AHCYL2: variants seen among roughly 807,000 people sequenced by gnomAD.
AHCYL2 encodes S-adenosylhomocysteine hydrolase-like protein 2.
A neutral mutation model predicts 81.4 loss-of-function variants in AHCYL2; 28 were observed. The observed-to-expected ratio is 0.34, with a 90% CI of 0.25 to 0.47. AHCYL2 has a LOEUF of 0.47. Ranked by LOEUF, AHCYL2 falls within the 20% of genes least tolerant of loss-of-function variation. The probability of loss-of-function intolerance (pLI) is 1.00; values close to 1 mark genes in which losing one functional copy is unlikely to be tolerated. For synonymous variants in AHCYL2, 272 were observed against 290.2 expected (o/e 0.94, Z 0.64); for missense variants, 551 against 785.1 (o/e 0.70, Z 3.56).
At chr7:129,236,303 C>T (rs915541856) in intron 1 of AHCYL2, among the ~76,000 whole-genome samples, 3 of 151,878 alleles carry the variant, frequency 2.0e-5, no homozygotes, top group South Asian at 2.1e-4. Context: ...CAGGTTCAAG[C>T]GATTCTCTTG....
intron 1 of AHCYL2, among the ~76,000 whole-genome samples, chr7:129,226,334 G>T (rs765524934): frequency 6.6e-5 from 10 of 152,158 alleles, no homozygotes; most frequent in Non-Finnish European, 1.0e-4. Context: ...ATCCATAGTT[G>T]TCTGTCTCTC....
At chr7:129,266,551 A>G (rs1382630413) in intron 1 of AHCYL2, among the ~76,000 whole-genome samples, 10 of 152,216 alleles carry the variant, frequency 6.6e-5, no homozygotes. Context: ...AAAAAATTAC[A>G]CCTTGGGAGA....
At chr7:129,236,533 G>A (rs1241211429) in intron 1 of AHCYL2, among the ~76,000 whole-genome samples, 1 of 151,488 alleles carries the variant, frequency 6.6e-6, no homozygotes, top group Non-Finnish European at 1.5e-5. Flanking sequence ...TAGAGATGGG[G>A]TTTTACCATG....
At chr7:129,418,935 C>T (rs1187922109) in intron 12 of AHCYL2, among the ~76,000 whole-genome samples, 1 of 152,110 alleles carries the variant, frequency 6.6e-6, no homozygotes, top group East Asian at 1.9e-4. Context: ...ATTGGATGCA[C>T]ACTATGAGAA....
intron 1 of AHCYL2, among the ~76,000 whole-genome samples, chr7:129,249,705 G>A (rs548689100): frequency 1.3e-5 from 2 of 152,242 alleles, no homozygotes; most frequent in South Asian, 2.1e-4. Context: ...GATTACAGGC[G>A]TGAGCCACCG....
At chr7:129,321,743 G>GTTTTTTTTTTTTTTTTTTTTTTTTGT in intron 1 of AHCYL2, among the ~76,000 whole-genome samples, 1 of 77,626 alleles carries the variant, frequency 1.3e-5, no homozygotes, top group Non-Finnish European at 2.5e-5. Flanking sequence ...TTCTTTCTTT[G>GTTTTTTTTTTTTTTTTTTTTTTTTGT]TTTTTTTTTT....
intron 1 of AHCYL2, among the ~76,000 whole-genome samples, chr7:129,358,077 A>T (rs564870326): frequency 6.6e-6 from 1 of 152,126 alleles, no homozygotes; most frequent in African/African-American, 2.4e-5. Context: ...TGGCATAGAC[A>T]TAAAATGGAA....
intron 1 of AHCYL2, among the ~76,000 whole-genome samples, chr7:129,294,956 T>G (rs1305749332): frequency 6.6e-6 from 1 of 152,222 alleles, no homozygotes; most frequent in Non-Finnish European, 1.5e-5. Flanking sequence ...TGATAAAACT[T>G]TACCAATGTA....
chr7:129,303,624 T>C (rs1317108006), intron 1 of AHCYL2, among the ~76,000 whole-genome samples: 1 of 152,238 alleles, frequency 6.6e-6, no homozygotes, highest in African/African-American at 2.4e-5. Flanking sequence ...TGATATTTTG[T>C]ATTGTTTTCT....
At chr7:129,350,341 C>T (rs1180851909) in intron 1 of AHCYL2, among the ~76,000 whole-genome samples, 2 of 150,544 alleles carry the variant, frequency 1.3e-5, no homozygotes, top group African/African-American at 4.9e-5. Context: ...CATGCCAAAG[C>T]AACATAGTAT....
chr7:129,418,014 T>C (rs917748984), intron 12 of AHCYL2, among the ~76,000 whole-genome samples: 2 of 152,020 alleles, frequency 1.3e-5, no homozygotes, highest in African/African-American at 4.8e-5. Context: ...CTGAATGAAA[T>C]AAAGGAGCAA....
intron 1 of AHCYL2, among the ~76,000 whole-genome samples, chr7:129,297,461 C>T (rs1260313575): frequency 6.6e-6 from 1 of 152,092 alleles, no homozygotes; most frequent in Non-Finnish European, 1.5e-5. Context: ...GCTTGGGGAG[C>T]AGAAGTGTCA....
At chr7:129,245,350 T>G (rs1251001909) in intron 1 of AHCYL2, among the ~76,000 whole-genome samples, 1 of 152,206 alleles carries the variant, frequency 6.6e-6, no homozygotes, top group East Asian at 1.9e-4. Context: ...TGGTAAAATA[T>G]ATATAACATG....
At chr7:129,296,729 A>G (rs1319488420) in intron 1 of AHCYL2, among the ~76,000 whole-genome samples, 1 of 152,108 alleles carries the variant, frequency 6.6e-6, no homozygotes, top group Non-Finnish European at 1.5e-5. Context: ...AAAATAAATA[A>G]GAAATTTTGG....
intron 1 of AHCYL2, among the ~76,000 whole-genome samples, chr7:129,289,602 T>C (rs1465187875): frequency 6.6e-6 from 1 of 152,246 alleles, no homozygotes; most frequent in Non-Finnish European, 1.5e-5. Flanking sequence ...TATTTTGTTC[T>C]TTCCCCTTGT....
chr7:129,362,686 A>G (rs1367930310), intron 1 of AHCYL2, among the ~76,000 whole-genome samples: 1 of 143,846 alleles, frequency 7.0e-6, no homozygotes, highest in East Asian at 2.0e-4. Context: ...ACCAGTTCTA[A>G]CCTTCCACAG....
intron 1 of AHCYL2, among the ~76,000 whole-genome samples, chr7:129,315,508 C>T (rs1317621572): frequency 6.6e-6 from 1 of 152,176 alleles, no homozygotes; most frequent in Non-Finnish European, 1.5e-5. Context: ...TGATGGAGTC[C>T]TATTCATTCT....
chr7:129,409,143 G>A (rs973237701), intron 10 of AHCYL2, among the ~76,000 whole-genome samples: 1 of 151,888 alleles, frequency 6.6e-6, no homozygotes, highest in Non-Finnish European at 1.5e-5. Context: ...TTTGGCCTTC[G>A]GGGGATCACT....
At chr7:129,297,681 G>T (rs1158027151) in intron 1 of AHCYL2, among the ~76,000 whole-genome samples, 1 of 151,956 alleles carries the variant, frequency 6.6e-6, no homozygotes, top group African/African-American at 2.4e-5. Flanking sequence ...TTTTTTTAAT[G>T]AGTGAAAGTA....
Sources: allele counts gnomAD v4.1 joint callset (sites outside exome capture counted in the v4.1 genomes callset), GRCh38; gene constraint gnomAD v4.1.1; transcripts MANE v1.5; gene names NCBI Gene and HGNC (gene_info 2026-07-23, HGNC 2026-07-21).